ZNF385D: variants seen among roughly 807,000 people sequenced by gnomAD.
ZNF385D encodes zinc finger protein 385D, also known as zinc finger protein 659.
In ZNF385D, 15 loss-of-function variants were observed where a neutral mutation model predicts 35.8. That is an observed-to-expected ratio of 0.42 (90% CI 0.28 to 0.64). The LOEUF is 0.64. Ranked by LOEUF, ZNF385D falls within the 30% of genes least tolerant of loss-of-function variation. The probability of loss-of-function intolerance (pLI) is 0.23; values close to 1 mark genes in which losing one functional copy is unlikely to be tolerated. For missense variants in ZNF385D, 474 were observed against 494.6 expected, an observed-to-expected ratio of 0.96 and a Z score of 0.39; for synonymous variants, 212 against 186.8, an observed-to-expected ratio of 1.13 and a Z score of -1.10.
chr3:21,530,882 TATGC>T (rs995676300), intron 3 of ZNF385D, among the ~76,000 whole-genome samples: 1 of 152,152 alleles, frequency 6.6e-6, no homozygotes, highest in Non-Finnish European at 1.5e-5. Flanking sequence ...CGTGTTTATT[TATGC>T]ACTTGTTCTT....
At chr3:21,499,653 A>T (rs1241496009) in intron 4 of ZNF385D, among the ~76,000 whole-genome samples, 1 of 151,968 alleles carries the variant, frequency 6.6e-6, no homozygotes, top group Non-Finnish European at 1.5e-5. Flanking sequence ...TTTGAAAAAA[A>T]AAAACCAAAA....
At chr3:21,615,411 G>T (rs2064816386) in intron 2 of ZNF385D, among the ~76,000 whole-genome samples, 1 of 152,104 alleles carries the variant, frequency 6.6e-6, no homozygotes, top group Non-Finnish European at 1.5e-5. Context: ...AAATTACCCA[G>T]GCTCAGGTAT....
intron 3 of ZNF385D, among the ~76,000 whole-genome samples, chr3:22,122,707 A>C (rs924708773): frequency 2.0e-5 from 3 of 152,198 alleles, no homozygotes; most frequent in Non-Finnish European, 2.9e-5. Context: ...AACAATTTGG[A>C]TATGGAAAGT....
intron 3 of ZNF385D, among the ~76,000 whole-genome samples, chr3:22,073,207 A>C (rs1700310318): frequency 6.6e-6 from 1 of 152,010 alleles, no homozygotes; most frequent in Non-Finnish European, 1.5e-5. Context: ...TAAGTCCCAA[A>C]TAATTAATTA....
chr3:21,516,106 A>C (rs565887584), intron 3 of ZNF385D, among the ~76,000 whole-genome samples: 1 of 152,252 alleles, frequency 6.6e-6, no homozygotes, highest in South Asian at 2.1e-4. Context: ...ATCCCCAACT[A>C]ATCAGTAGCA....
intron 3 of ZNF385D, among the ~76,000 whole-genome samples, chr3:21,947,325 G>T (rs1434168731): frequency 6.6e-6 from 1 of 151,090 alleles, no homozygotes; most frequent in Admixed American, 6.7e-5. Context: ...GTCTTTCAAG[G>T]CTCTTTCATG....
At chr3:22,168,476 A>G (rs929313223) in intron 3 of ZNF385D, 1 of 152,204 alleles carries the variant, frequency 6.6e-6, no homozygotes, top group African/African-American at 2.4e-5. Flanking sequence ...AGGAATAAAA[A>G]AATAAAAAAC....
rs1700603372 is a variant in ZNF385D, at chr3:21,418,430, G to C, written c.*2784C>G. On this transcript the variant is annotated 3_prime_UTR_variant, in exon 8 of 8. Transcript: ENST00000281523. ...CAGAGAATCCACTGTAAGTTCTGTG[G>C]TTAGGCTTCATCCTTTATTAGGTAG... 3 of 152,170 alleles carry C rather than the reference G, an allele frequency of 2.0e-5. No individual in the cohort carries two copies. Among genetic ancestry groups the C allele is most frequent in the Admixed American group, 6.5e-5 (1 of 15,280 alleles). 9.4% of individuals were successfully genotyped at this position (152,170 alleles called of 1,614,324 possible).
chr3:22,096,397 G>C (rs183057756), intron 3 of ZNF385D, among the ~76,000 whole-genome samples: 1 of 151,872 alleles, frequency 6.6e-6, no homozygotes, highest in Admixed American at 6.6e-5. Context: ...TGTTTAAATA[G>C]GGCTTCTTGA....
intron 2 of ZNF385D, among the ~76,000 whole-genome samples, chr3:22,208,645 T>G (rs1697313348): frequency 6.6e-6 from 1 of 151,782 alleles, no homozygotes; most frequent in Non-Finnish European, 1.5e-5. Flanking sequence ...TACACATTAT[T>G]TGCCCATATC....
chr3:22,342,602 G>A (rs932115231), intron 2 of ZNF385D, among the ~76,000 whole-genome samples: 1 of 152,130 alleles, frequency 6.6e-6, no homozygotes, highest in Non-Finnish European at 1.5e-5. Flanking sequence ...GAAGGTTAGA[G>A]TTTTAACCTA....
intron 3 of ZNF385D, among the ~76,000 whole-genome samples, chr3:21,951,116 A>C (rs531637590): frequency 6.6e-6 from 1 of 151,768 alleles, no homozygotes; most frequent in Non-Finnish European, 1.5e-5. Flanking sequence ...GATAGCATTG[A>C]ATCTATAAAT....
intron 2 of ZNF385D, among the ~76,000 whole-genome samples, chr3:22,227,484 C>A (rs1184612820): frequency 6.6e-6 from 1 of 152,124 alleles, no homozygotes; most frequent in Non-Finnish European, 1.5e-5. Flanking sequence ...AGATCATGTG[C>A]TTTTCGTTTG....
chr3:22,149,464 C>T (rs778127718), intron 3 of ZNF385D, among the ~76,000 whole-genome samples: 4 of 152,144 alleles, frequency 2.6e-5, no homozygotes, highest in Admixed American at 6.6e-5. Flanking sequence ...GCAACAGAAT[C>T]GCCCAAAGCG....
chr3:21,956,244 A>G (rs1203982617), intron 3 of ZNF385D, among the ~76,000 whole-genome samples: 1 of 151,942 alleles, frequency 6.6e-6, no homozygotes, highest in Non-Finnish European at 1.5e-5. Context: ...AAATGAAATG[A>G]AAAAGAAAAA....
intron 2 of ZNF385D, among the ~76,000 whole-genome samples, chr3:21,637,079 G>T (rs2065472689): frequency 6.6e-6 from 1 of 151,980 alleles, no homozygotes; most frequent in Non-Finnish European, 1.5e-5. Flanking sequence ...TGTTCCTTTT[G>T]CTGTGCAGAA....
chr3:22,092,048 G>C (rs1701361476), intron 3 of ZNF385D, among the ~76,000 whole-genome samples: 2 of 152,174 alleles, frequency 1.3e-5, no homozygotes, highest in Admixed American at 6.5e-5. Context: ...TGGAAATACA[G>C]AGTTGTTTCA....
At chr3:22,019,985 T>A (rs908348907) in intron 3 of ZNF385D, among the ~76,000 whole-genome samples, 5 of 151,944 alleles carry the variant, frequency 3.3e-5, no homozygotes, top group Admixed American at 2.6e-4. Context: ...TAACTTCGTG[T>A]AATAAAATGA....
intron 3 of ZNF385D, among the ~76,000 whole-genome samples, chr3:21,521,403 C>G (rs1015670132): frequency 2.6e-5 from 4 of 152,156 alleles, no homozygotes; most frequent in Admixed American, 2.0e-4. Flanking sequence ...CTTGTAGGTA[C>G]TGATGAATTA....
Sources: allele counts gnomAD v4.1 joint callset (sites outside exome capture counted in the v4.1 genomes callset), GRCh38; gene constraint gnomAD v4.1.1; transcripts MANE v1.5; gene names NCBI Gene and HGNC (gene_info 2026-07-23, HGNC 2026-07-21).